The following MAGI2 variants were observed in gnomAD, a reference collection of about 807,000 sequenced individuals.
MAGI2 encodes the protein membrane-associated guanylate kinase, WW and PDZ domain-containing protein 2.
MAGI2 carries 35 observed loss-of-function variants against 133.3 expected under a neutral mutation model. The ratio of observed to expected loss-of-function variants is 0.26; its 90% CI spans 0.20 to 0.35. The LOEUF is 0.35. MAGI2 is among the 10% of genes least tolerant of loss of function. MAGI2 has a pLI of 1.00. For missense variants in MAGI2, 1,636 were observed against 1,863.4 expected, an observed-to-expected ratio of 0.88 and a Z score of 2.25; for synonymous variants, 729 against 710.6, an observed-to-expected ratio of 1.03 and a Z score of -0.41.
chr7:78,506,443 A>C (rs1584433521), intron 4 of MAGI2, among the ~76,000 whole-genome samples: 1 of 152,350 alleles, frequency 6.6e-6, no homozygotes, highest in South Asian at 2.1e-4. Context: ...AGCCATGAGT[A>C]AATGAAATTG....
intron 1 of MAGI2, among the ~76,000 whole-genome samples, chr7:79,256,828 T>A (rs888177424): frequency 9.9e-5 from 15 of 152,074 alleles, no homozygotes; most frequent in Non-Finnish European, 2.2e-4. Flanking sequence ...AATAAATCTC[T>A]CTCCTCTAAG....
chr7:79,444,810 A>G, intron 1 of MAGI2, among the ~76,000 whole-genome samples: 1 of 152,230 alleles, frequency 6.6e-6, no homozygotes. Flanking sequence ...TTGGAAAAAA[A>G]CTACTTTAAA....
At chr7:79,111,995 T>C (rs1033742568) in intron 1 of MAGI2, among the ~76,000 whole-genome samples, 2 of 152,104 alleles carry the variant, frequency 1.3e-5, no homozygotes, top group Admixed American at 6.6e-5. Flanking sequence ...CCAGTGTTTC[T>C]GACCTAAAAT....
At chr7:78,356,645 G>A (rs762771420) in intron 7 of MAGI2, among the ~76,000 whole-genome samples, 7 of 152,156 alleles carry the variant, frequency 4.6e-5, no homozygotes, top group Non-Finnish European at 8.8e-5. Context: ...ATGTTAATTA[G>A]CAAGGAATTT....
At chr7:79,118,831 G>T (rs1331998572) in intron 1 of MAGI2, among the ~76,000 whole-genome samples, 1 of 152,024 alleles carries the variant, frequency 6.6e-6, no homozygotes, top group Admixed American at 6.6e-5. Context: ...GGATATCATT[G>T]CTTCTTTATA....
intron 6 of MAGI2, among the ~76,000 whole-genome samples, chr7:78,389,425 T>C (rs1456284294): frequency 6.6e-6 from 1 of 152,212 alleles, no homozygotes; most frequent in Non-Finnish European, 1.5e-5. Flanking sequence ...AACTTGAAGA[T>C]AGGGAGCATA....
intron 9 of MAGI2, among the ~76,000 whole-genome samples, chr7:78,260,058 A>G (rs1793369460): frequency 6.6e-6 from 1 of 152,192 alleles, no homozygotes; most frequent in Non-Finnish European, 1.5e-5. Flanking sequence ...TGAATGTAAA[A>G]GATGAGTGGT....
chr7:78,649,568 G>A (rs561052439), intron 2 of MAGI2, among the ~76,000 whole-genome samples: 2 of 152,220 alleles, frequency 1.3e-5, no homozygotes, highest in East Asian at 3.9e-4. Context: ...ATAGAAGTGA[G>A]ACTAAAAATA....
intron 1 of MAGI2, among the ~76,000 whole-genome samples, chr7:79,011,813 CT>C (rs1278728126): frequency 2.6e-5 from 4 of 152,028 alleles, no homozygotes; most frequent in African/African-American, 7.2e-5. Context: ...TTGTGCTTTA[CT>C]TTTTGCATTC....
chr7:79,128,962 T>C (rs1016336679), intron 1 of MAGI2, among the ~76,000 whole-genome samples: 13 of 152,134 alleles, frequency 8.5e-5, no homozygotes, highest in African/African-American at 3.1e-4. Flanking sequence ...CCTCCATCTC[T>C]CGAGTTCCAG....
intron 2 of MAGI2, among the ~76,000 whole-genome samples, chr7:78,860,864 G>C (rs1485566309): frequency 1.3e-5 from 2 of 152,166 alleles, no homozygotes; most frequent in African/African-American, 4.8e-5. Context: ...GAGGCAGGCA[G>C]GCCTCCTTGA....
At chr7:79,146,473 T>G (rs1585042349) in intron 1 of MAGI2, among the ~76,000 whole-genome samples, 1 of 152,204 alleles carries the variant, frequency 6.6e-6, no homozygotes. Context: ...TAATGGATGG[T>G]GTGATTTTGT....
rs189907647 is a variant in MAGI2, at chr7:78,859,912, A to C, written c.418+147178T>G. Among the ~76,000 whole-genome samples, 458 of 152,126 alleles carry C rather than the reference A, an allele frequency of 3.0e-3. 1 individual carries two copies. Among genetic ancestry groups the C allele is most frequent in the Non-Finnish European group, 5.3e-3 (362 of 67,990 alleles). ...AGATTTGGTCTTTTCACCTAGTCCCATATTTCTTGGAGGTTTTGTTCATTT... is the reference window on the plus strand; with the variant it reads ...AGATTTGGTCTTTTCACCTAGTCCCCTATTTCTTGGAGGTTTTGTTCATTT... On this transcript the variant is annotated intron_variant, in intron 2 of 21. Transcript: ENST00000354212.
chr7:79,149,652 T>C (rs1386673486), intron 1 of MAGI2, among the ~76,000 whole-genome samples: 4 of 152,138 alleles, frequency 2.6e-5, no homozygotes, highest in East Asian at 3.9e-4. Flanking sequence ...GTGCTATCTT[T>C]CTACTACTGG....
At chr7:79,178,811 A>G (rs142575148) in intron 1 of MAGI2, among the ~76,000 whole-genome samples, 2 of 152,174 alleles carry the variant, frequency 1.3e-5, no homozygotes, top group East Asian at 1.9e-4. Flanking sequence ...AAGCATTAAC[A>G]TCATTGGCTA....
At chr7:78,263,164 CTG>C (rs1793676374) in intron 9 of MAGI2, among the ~76,000 whole-genome samples, 1 of 152,110 alleles carries the variant, frequency 6.6e-6, no homozygotes, top group African/African-American at 2.4e-5. Context: ...TTTTTTATGT[CTG>C]TGTAGTATTC....
intron 1 of MAGI2, among the ~76,000 whole-genome samples, chr7:79,345,327 A>C (rs902164933): frequency 1.3e-5 from 2 of 152,126 alleles, no homozygotes; most frequent in Admixed American, 1.3e-4. Context: ...ACAGATTGAC[A>C]GCTAACTAGC....
intron 7 of MAGI2, chr7:78,350,333 CAAAAACAAACA>C (rs1791377196): frequency 6.6e-6 from 1 of 152,130 alleles, no homozygotes; most frequent in Non-Finnish European, 1.5e-5. Context: ...CAGAGAGCTT[CAAAAACAAACA>C]GAAAACAGAA....
At chr7:78,126,740 C>T (rs761485119) in intron 19 of MAGI2, among the ~76,000 whole-genome samples, 3 of 152,236 alleles carry the variant, frequency 2.0e-5, no homozygotes, top group South Asian at 2.1e-4. Context: ...CTTATTCTTA[C>T]GCACAGGGGC....
Sources: gnomAD v4.1 joint callset for allele counts (sites outside exome capture counted in the v4.1 genomes callset) on GRCh38, gnomAD v4.1.1 for gene constraint, MANE v1.5 for transcripts, NCBI Gene and HGNC (gene_info 2026-07-23, HGNC 2026-07-21) for gene names.